Variants in ARIH1 observed in about 807,000 individuals in gnomAD.
ARIH1 encodes ariadne RBR E3 ubiquitin protein ligase 1, also known as E3 ubiquitin-protein ligase ARIH1.
ARIH1 carries 8 observed loss-of-function variants against 85.0 expected under a neutral mutation model. That is an observed-to-expected ratio of 0.09 (90% CI 0.06 to 0.17). The LOEUF (loss-of-function observed/expected upper bound fraction) is 0.17, where lower values mean the gene tolerates loss of function less well. Ranked by LOEUF, ARIH1 falls within the 10% of genes least tolerant of loss-of-function variation. The pLI, the probability that ARIH1 is intolerant of heterozygous loss-of-function variation, is 1.00. For missense variants in ARIH1, 311 were observed against 718.1 expected (o/e 0.43, Z 6.48); for synonymous variants, 238 against 253.6 (o/e 0.94, Z 0.59).
chr15:72,546,885 C>T (rs1364918835), intron 3 of ARIH1, among the ~76,000 whole-genome samples: 1 of 146,114 alleles, frequency 6.8e-6, no homozygotes, highest in Non-Finnish European at 1.5e-5. Flanking sequence ...CCACCACGCT[C>T]CTCCAGTTTT....
intron 10 of ARIH1, 54 bp from the exon 11 acceptor site, chr15:72,572,054 T>TC (rs2064250351): frequency 7.7e-7 from 1 of 1,295,210 alleles, no homozygotes; most frequent in South Asian, 1.3e-5. Context: ...TTTTTTTTTT[T>TC]TCCTTTTCAT....
Position 72,584,206 on chromosome 15 carries a change from A to T in ARIH1, c.*914A>T, listed in dbSNP as rs1426955376. 6.6e-6 allele frequency: 1 copy of T among 152,118 alleles called. No homozygotes were observed. The highest frequency in any genetic ancestry group is 1.9e-4 in the East Asian group (1 of 5,174). 9.4% of individuals were successfully genotyped at this position (152,118 alleles called of 1,614,324 possible). Reference sequence around the variant, plus strand: ...ATGCCTTGAATTCCTGCTCTTGATCAGGGACAAGGGAGGTCAAGCTCTGAC... The same window carrying T: ...ATGCCTTGAATTCCTGCTCTTGATCTGGGACAAGGGAGGTCAAGCTCTGAC... On this transcript the variant is annotated 3_prime_UTR_variant, in exon 14 of 14. Transcript: ENST00000379887.
chr15:72,534,411 T>G (rs1478291554), intron 2 of ARIH1, among the ~76,000 whole-genome samples: 2 of 152,216 alleles, frequency 1.3e-5, no homozygotes, highest in African/African-American at 4.8e-5. Context: ...TATAACAGTT[T>G]GTAAGCTGCA....
intron 1 of ARIH1, among the ~76,000 whole-genome samples, chr15:72,493,277 G>GATT (rs1567338691): frequency 6.6e-6 from 1 of 152,028 alleles, no homozygotes; most frequent in Non-Finnish European, 1.5e-5. Context: ...TTTGGGGGGG[G>GATT]AGGTCAGAAC....
chr15:72,528,855 C>CA (rs1021817882), intron 2 of ARIH1, among the ~76,000 whole-genome samples: 1 of 151,398 alleles, frequency 6.6e-6, no homozygotes, highest in South Asian at 2.1e-4. Context: ...CTGTCTCAGA[C>CA]AAAAAACAAA....
Position 72,563,245 on chromosome 15 carries a change from G to A in ARIH1, c.805-149G>A, listed in dbSNP as rs150841913. On this transcript the variant is annotated intron_variant, in intron 6 of 13. Coordinates refer to ENST00000379887, the MANE Select transcript of ARIH1 (RefSeq NM_005744.5). ...TCTTTTTTCTTTTTTTTAAGGTAGAGACAAGGTCTTGCTATGTTGCCCGGG... is the reference window on the plus strand; with the variant it reads ...TCTTTTTTCTTTTTTTTAAGGTAGAAACAAGGTCTTGCTATGTTGCCCGGG... 3.3e-4 allele frequency: 199 copies of A among 609,262 alleles called. No homozygotes were observed. The African/African-American group carries it at 3.5e-3, about 11-fold the overall frequency. The allele number at this position is 609,262 out of a possible 1,614,324, so 37.7% of individuals were successfully genotyped here.
chr15:72,600,491 C>G lies in ARIH1; in HGVS notation c.*17199C>G, dbSNP rs2064378781. ...CTTGAGCTCCTGGGCTCAGGAGAGC[C>G]TCTCTCCTCAGTCTCCCAAGTAGCT... On this transcript the variant is annotated 3_prime_UTR_variant, in exon 14 of 14. Transcript: ENST00000379887. 2 of 152,194 alleles carry G rather than the reference C, an allele frequency of 1.3e-5. No homozygotes were observed. Among genetic ancestry groups the G allele is most frequent in the Admixed American group, 6.5e-5 (1 of 15,280 alleles). 9.4% of individuals were successfully genotyped at this position (152,194 alleles called of 1,614,324 possible).
chr15:72,564,262 C>G (rs1275666336), intron 7 of ARIH1, among the ~76,000 whole-genome samples: 1 of 152,214 alleles, frequency 6.6e-6, no homozygotes, highest in African/African-American at 2.4e-5. Flanking sequence ...TCTCTACCTT[C>G]CACAAAACAA....
intron 3 of ARIH1, among the ~76,000 whole-genome samples, chr15:72,548,677 T>G (rs1567353154): frequency 6.6e-6 from 1 of 152,214 alleles, no homozygotes; most frequent in African/African-American, 2.4e-5. Flanking sequence ...TTTAACCTCT[T>G]CAGTTTTGGA....
chr15:72,534,039 G>A (rs1021065472), intron 2 of ARIH1, among the ~76,000 whole-genome samples: 1 of 151,990 alleles, frequency 6.6e-6, no homozygotes, highest in Non-Finnish European at 1.5e-5. Context: ...TAACTATTCA[G>A]CAGTGCAAAA....
intron 2 of ARIH1, among the ~76,000 whole-genome samples, chr15:72,534,723 C>T (rs1376388555): frequency 3.3e-5 from 5 of 152,092 alleles, no homozygotes; most frequent in Admixed American, 2.0e-4. Flanking sequence ...CCATACTCCC[C>T]GGATTTGGGG....
At chr15:72,554,593 CCCAGG>C (rs1321350989) in intron 3 of ARIH1, among the ~76,000 whole-genome samples, 1 of 152,108 alleles carries the variant, frequency 6.6e-6, no homozygotes, top group African/African-American at 2.4e-5. Context: ...CACTATGTTG[CCCAGG>C]CTGGTCTTGA....
intron 11 of ARIH1, among the ~76,000 whole-genome samples, chr15:72,577,860 AC>A (rs1181668591): frequency 2.0e-5 from 3 of 152,174 alleles, no homozygotes; most frequent in African/African-American, 7.2e-5. Context: ...AACCTTACGA[AC>A]CGTTTTGCAT....
chr15:72,489,180 C>T (rs1041200868), intron 1 of ARIH1, among the ~76,000 whole-genome samples: 2 of 129,710 alleles, frequency 1.5e-5, no homozygotes, highest in African/African-American at 2.9e-5. Flanking sequence ...GGAGGTCAAT[C>T]AAGGCTGTAG....
rs993541108 is a variant in ARIH1, at chr15:72,570,106, T to A, written c.1027-71T>A. On this transcript the variant is annotated intron_variant, in intron 9 of 13. Transcript: ENST00000379887. ...TTTAAAAACAAACCAAATCTAGAAC[T>A]GGCTTTTCCTTAATGTTAGTAATGC... 22 of 1,540,620 alleles carry A rather than the reference T, an allele frequency of 1.4e-5. No individual in the cohort carries two copies. In the African/African-American group the frequency reaches 2.9e-4, roughly 20 times the overall value.
intron 1 of ARIH1, among the ~76,000 whole-genome samples, chr15:72,476,046 CAT>C (rs1372603048): frequency 6.6e-6 from 1 of 152,080 alleles, no homozygotes; most frequent in East Asian, 1.9e-4. Context: ...TGGAAGGAAA[CAT>C]ATATGAGCAG....
In ARIH1 at chr15:72,598,949, G is replaced by C. The variant is rs2064372912; in HGVS notation, c.*15657G>C. 1 of 150,122 alleles carries C rather than the reference G, an allele frequency of 6.7e-6. No individual in the cohort carries two copies. The highest frequency in any genetic ancestry group is 2.4e-5 in the African/African-American group (1 of 41,072). 9.3% of individuals were successfully genotyped at this position (150,122 alleles called of 1,614,324 possible). Reference sequence around the variant, plus strand: ...GATCCTCCCACCTTGGTTTTCCAAAGTGCTGGGATTAAAGGCATGAGCCAC... The same window carrying C: ...GATCCTCCCACCTTGGTTTTCCAAACTGCTGGGATTAAAGGCATGAGCCAC... On this transcript the variant is annotated 3_prime_UTR_variant, in exon 14 of 14. Coordinates refer to ENST00000379887, the MANE Select transcript of ARIH1 (RefSeq NM_005744.5).
intron 2 of ARIH1, among the ~76,000 whole-genome samples, chr15:72,532,915 T>C (rs573748076): frequency 1.3e-5 from 2 of 152,344 alleles, no homozygotes; most frequent in African/African-American, 4.8e-5. Flanking sequence ...TCTAGAACTT[T>C]GTTAACCTTA....
At chr15:72,478,371 C>T (rs2063802674) in intron 1 of ARIH1, among the ~76,000 whole-genome samples, 2 of 152,042 alleles carry the variant, frequency 1.3e-5, no homozygotes, top group Non-Finnish European at 2.9e-5. Context: ...CACAGCTGGG[C>T]CTCCCAAAGT....
Sources: allele counts gnomAD v4.1 joint callset (sites outside exome capture counted in the v4.1 genomes callset), GRCh38; gene constraint gnomAD v4.1.1; transcripts MANE v1.5; gene names NCBI Gene and HGNC (gene_info 2026-07-23, HGNC 2026-07-21).